CDH12: variants seen among roughly 807,000 people sequenced by gnomAD.
CDH12 encodes cadherin 12.
CDH12 carries 41 observed loss-of-function variants against 74.1 expected under a neutral mutation model. The ratio of observed to expected loss-of-function variants is 0.55; its 90% CI spans 0.43 to 0.72. CDH12 has a LOEUF of 0.72. CDH12 is among the 30% of genes least tolerant of loss of function. The pLI is 0.00. For missense variants in CDH12, 945 were observed against 977.2 expected (o/e 0.97, Z 0.44); for synonymous variants, 399 against 355.0 (o/e 1.12, Z -1.39).
chr5:22,754,600 G>A (rs1287713763), intron 1 of CDH12, among the ~76,000 whole-genome samples: 2 of 150,746 alleles, frequency 1.3e-5, no homozygotes, highest in Non-Finnish European at 3.0e-5. Flanking sequence ...AGCAGCTGTA[G>A]AAGCCTGAGA....
rs141985241 is a variant in CDH12, at chr5:22,412,937, G to A, written c.-427-7586C>T. The stretch of plus-strand genomic sequence containing the variant: ...CCATCAAAATATTAAAATAGTTGAT[G>A]TTCATCCATCATCAGAATAATCCTC... On this transcript the variant is annotated intron_variant, in intron 2 of 14. Transcript: ENST00000382254. Among the ~76,000 whole-genome samples the A allele has an allele frequency of 1.2e-3, 187 of 151,924 alleles. 1 individual carries two copies. Among genetic ancestry groups the A allele is most frequent in the African/African-American group, 4.4e-3 (184 of 41,508 alleles).
chr5:22,073,700 T>C (rs1316502342), intron 5 of CDH12, among the ~76,000 whole-genome samples: 1 of 152,150 alleles, frequency 6.6e-6, no homozygotes, highest in African/African-American at 2.4e-5. Flanking sequence ...TAAAGTAACA[T>C]TTTTGTTCAA....
At chr5:22,219,426 A>T (rs1187366981) in intron 3 of CDH12, among the ~76,000 whole-genome samples, 3 of 151,678 alleles carry the variant, frequency 2.0e-5, no homozygotes, top group Non-Finnish European at 4.4e-5. Context: ...ACTGACTGTA[A>T]TACCCAGTTT....
intron 3 of CDH12, among the ~76,000 whole-genome samples, chr5:22,315,956 G>T (rs1403462574): frequency 1.3e-5 from 2 of 151,922 alleles, no homozygotes; most frequent in South Asian, 2.1e-4. Flanking sequence ...TAATGTCAGG[G>T]TTTAAATAGG....
At chr5:22,193,090 A>G (rs1750401930) in intron 4 of CDH12, among the ~76,000 whole-genome samples, 1 of 152,222 alleles carries the variant, frequency 6.6e-6, no homozygotes, top group African/African-American at 2.4e-5. Context: ...GAAAACTGCA[A>G]TTTTAACAAA....
At chr5:22,263,109 A>G (rs1032390728) in intron 3 of CDH12, among the ~76,000 whole-genome samples, 12 of 152,154 alleles carry the variant, frequency 7.9e-5, no homozygotes, top group Admixed American at 4.6e-4. Flanking sequence ...ACTGGCCATC[A>G]GAGAAATGCA....
At chr5:21,981,679 G>A (rs555516369) in intron 5 of CDH12, among the ~76,000 whole-genome samples, 2 of 152,140 alleles carry the variant, frequency 1.3e-5, no homozygotes, top group Admixed American at 1.3e-4. Flanking sequence ...TTCTGAAGTA[G>A]GCCTTAGGTA....
intron 1 of CDH12, among the ~76,000 whole-genome samples, chr5:22,634,900 T>C (rs1000968226): frequency 2.0e-5 from 3 of 152,216 alleles, no homozygotes; most frequent in South Asian, 2.1e-4. Flanking sequence ...ATCAGATGAT[T>C]TGTTATTGTT....
chr5:22,292,752 G>A lies in CDH12; in HGVS notation c.-332-80109C>T, dbSNP rs1386686036. 2.0e-5 allele frequency among the ~76,000 whole-genome samples: 3 copies of A among 152,112 alleles called. No individual in the cohort carries two copies. The East Asian group carries it at 5.8e-4, about 29-fold the overall frequency. ...ATCAAAAAGACAAAAAATTACAAGT[G>A]TTGCTGAGGATGTAGAAAAACAAGA... On this transcript the variant is annotated intron_variant, in intron 3 of 14. Transcript: ENST00000382254.
intron 1 of CDH12, among the ~76,000 whole-genome samples, chr5:22,717,948 G>A (rs1743667437): frequency 1.3e-5 from 2 of 149,398 alleles, no homozygotes; most frequent in Non-Finnish European, 2.9e-5. Flanking sequence ...CTAGAATTCT[G>A]TTTTAATTGA....
At chr5:22,501,988 T>C (rs1736177262) in intron 2 of CDH12, among the ~76,000 whole-genome samples, 1 of 152,152 alleles carries the variant, frequency 6.6e-6, no homozygotes, top group Non-Finnish European at 1.5e-5. Flanking sequence ...AAAAGGCAGA[T>C]CCTAGATTTG....
At chr5:22,726,326 T>C (rs1744162028) in intron 1 of CDH12, among the ~76,000 whole-genome samples, 1 of 151,776 alleles carries the variant, frequency 6.6e-6, no homozygotes. Flanking sequence ...CTTATTTCAC[T>C]TAGAAATATG....
chr5:22,203,942 G>A (rs1751061018), intron 4 of CDH12, among the ~76,000 whole-genome samples: 1 of 152,046 alleles, frequency 6.6e-6, no homozygotes. Flanking sequence ...AAACACACAG[G>A]TTTAGAAGCA....
intron 2 of CDH12, among the ~76,000 whole-genome samples, chr5:22,500,011 G>A (rs559202520): frequency 2.4e-4 from 36 of 152,132 alleles, no homozygotes; most frequent in South Asian, 6.2e-4. Flanking sequence ...GCTCATGATC[G>A]TCCTTGAATA....
chr5:22,655,905 G>T (rs527726737), intron 1 of CDH12, among the ~76,000 whole-genome samples: 1 of 152,284 alleles, frequency 6.6e-6, no homozygotes, highest in Non-Finnish European at 1.5e-5. Context: ...GAACATTATA[G>T]TGATGATGAA....
chr5:22,178,087 C>T (rs532498919), intron 4 of CDH12, among the ~76,000 whole-genome samples: 1 of 152,118 alleles, frequency 6.6e-6, no homozygotes, highest in African/African-American at 2.4e-5. Context: ...TTCAGGAATA[C>T]CAAGATATTT....
intron 1 of CDH12, among the ~76,000 whole-genome samples, chr5:22,685,965 C>T (rs907631807): frequency 5.3e-5 from 8 of 152,112 alleles, no homozygotes; most frequent in East Asian, 1.9e-4. Flanking sequence ...ATTGAAGAAC[C>T]GCTAAACTAC....
intron 1 of CDH12, among the ~76,000 whole-genome samples, chr5:22,823,593 T>C (rs1168145435): frequency 1.3e-5 from 2 of 152,146 alleles, no homozygotes; most frequent in Non-Finnish European, 1.5e-5. Flanking sequence ...ATACAAATCC[T>C]GATATGGTTA....
At chr5:22,110,255 C>G (rs890907715) in intron 4 of CDH12, among the ~76,000 whole-genome samples, 1 of 152,108 alleles carries the variant, frequency 6.6e-6, no homozygotes, top group Non-Finnish European at 1.5e-5. Context: ...AGCCAATATG[C>G]CAGAGCACCC....
Sources: gnomAD v4.1 joint callset for allele counts (sites outside exome capture counted in the v4.1 genomes callset) on GRCh38, gnomAD v4.1.1 for gene constraint, MANE v1.5 for transcripts, NCBI Gene and HGNC (gene_info 2026-07-23, HGNC 2026-07-21) for gene names.